Variants in TTC29 observed in about 807,000 individuals in gnomAD.
The protein encoded by TTC29 is tetratricopeptide repeat domain 29.
A neutral mutation model predicts 58.1 loss-of-function variants in TTC29; 49 were observed. The ratio of observed to expected loss-of-function variants is 0.84; its 90% CI spans 0.67 to 1.07. The LOEUF (loss-of-function observed/expected upper bound fraction) is 1.07. TTC29 is among the 50% of genes least tolerant of loss of function. The pLI is 0.00. For synonymous variants in TTC29, 209 were observed against 196.8 expected (o/e 1.06, Z -0.52); for missense variants, 582 against 555.6 (o/e 1.05, Z -0.48).
chr4:146,796,003 C>T (rs1749810486), intron 11 of TTC29, among the ~76,000 whole-genome samples: 2 of 152,176 alleles, frequency 1.3e-5, no homozygotes, highest in South Asian at 4.1e-4. Context: ...TCTACTGATT[C>T]ACTCTCGTTT....
At chr4:146,915,372 C>T (rs1418297879) in intron 4 of TTC29, among the ~76,000 whole-genome samples, 1 of 151,984 alleles carries the variant, frequency 6.6e-6, no homozygotes, top group Non-Finnish European at 1.5e-5. Flanking sequence ...CCATGGCAAT[C>T]CATGTTTAGG....
chr4:146,743,342 T>G (rs1268263826), intron 11 of TTC29, among the ~76,000 whole-genome samples: 1 of 152,186 alleles, frequency 6.6e-6, no homozygotes, highest in Non-Finnish European at 1.5e-5. Context: ...TGCCTGGTTG[T>G]GCTCTACCCA....
chr4:146,785,083 G>A (rs1748908687), intron 11 of TTC29, among the ~76,000 whole-genome samples: 1 of 151,988 alleles, frequency 6.6e-6, no homozygotes, highest in South Asian at 2.1e-4. Flanking sequence ...TAGGTTTTGT[G>A]TAAGAGTGTG....
intron 5 of TTC29, among the ~76,000 whole-genome samples, chr4:146,908,646 T>A (rs1733685086): frequency 6.6e-6 from 1 of 152,186 alleles, no homozygotes; most frequent in South Asian, 2.1e-4. Flanking sequence ...CAGTGTGATT[T>A]TCAAGTTATA....
intron 11 of TTC29, among the ~76,000 whole-genome samples, chr4:146,744,703 A>G (rs1489903182): frequency 6.6e-6 from 1 of 152,104 alleles, no homozygotes; most frequent in East Asian, 1.9e-4. Flanking sequence ...TCTCTCACCA[A>G]CTATCAAAGT....
intron 8 of TTC29, among the ~76,000 whole-genome samples, chr4:146,844,450 G>A (rs147068161): frequency 6.6e-5 from 10 of 152,154 alleles, no homozygotes; most frequent in African/African-American, 2.4e-4. Context: ...AAAAAATGTG[G>A]AATATTTATC....
chr4:146,814,470 A>G (rs993265322), intron 10 of TTC29, among the ~76,000 whole-genome samples: 1 of 151,918 alleles, frequency 6.6e-6, no homozygotes, highest in African/African-American at 2.4e-5. Context: ...GCTCATACGT[A>G]TAATCCCAGC....
In TTC29 at chr4:146,792,886, G is replaced by A. The variant is rs192986542; in HGVS notation, c.1330+10571C>T. Among the ~76,000 whole-genome samples the A allele has an allele frequency of 7.9e-5, 12 of 152,230 alleles. 1 individual carries two copies. Among genetic ancestry groups the A allele is most frequent in the East Asian group, 5.8e-4 (3 of 5,176 alleles). On this transcript the variant is annotated intron_variant, in intron 11 of 12. Transcript: ENST00000325106. The stretch of plus-strand genomic sequence containing the variant: ...GAATTTGGAAGAAGTTGATTGCAGC[G>A]CTCATGGATGACTTTGAGAGGTTTG...
At chr4:146,717,912 G>A (rs1743056800) in intron 11 of TTC29, among the ~76,000 whole-genome samples, 1 of 152,024 alleles carries the variant, frequency 6.6e-6, no homozygotes, top group African/African-American at 2.4e-5. Context: ...CCTCACCACT[G>A]ATAACCATCC....
intron 9 of TTC29, among the ~76,000 whole-genome samples, chr4:146,822,123 A>ATTTT (rs1283996533): frequency 8.0e-6 from 1 of 124,424 alleles, no homozygotes; most frequent in African/African-American, 2.9e-5. Flanking sequence ...TTTTCTTTTA[A>ATTTT]AAAAAAAAAA....
intron 4 of TTC29, among the ~76,000 whole-genome samples, chr4:146,936,556 C>T (rs917834748): frequency 1.3e-5 from 2 of 152,210 alleles, no homozygotes; most frequent in East Asian, 1.9e-4. Flanking sequence ...AAAAATCCCA[C>T]GTACCATATA....
chr4:146,829,929 T>A (rs982470776), intron 9 of TTC29, among the ~76,000 whole-genome samples: 4 of 152,294 alleles, frequency 2.6e-5, no homozygotes, highest in African/African-American at 9.6e-5. Context: ...TTTCTGTAAA[T>A]GAACTACACT....
intron 9 of TTC29, among the ~76,000 whole-genome samples, chr4:146,824,974 T>C (rs1238709953): frequency 6.6e-6 from 1 of 152,178 alleles, no homozygotes; most frequent in Non-Finnish European, 1.5e-5. Flanking sequence ...TTATTGTGTC[T>C]ATTTGATTCT....
chr4:146,877,213 T>C (rs1216940777), intron 6 of TTC29, among the ~76,000 whole-genome samples: 6 of 152,190 alleles, frequency 3.9e-5, no homozygotes, highest in Admixed American at 1.3e-4. Flanking sequence ...ATCAGTGTTA[T>C]GTCTGGGAGG....
intron 4 of TTC29, among the ~76,000 whole-genome samples, chr4:146,926,082 T>G (rs1470064405): frequency 2.0e-5 from 3 of 152,200 alleles, no homozygotes; most frequent in Admixed American, 6.5e-5. Flanking sequence ...CAATAATCAT[T>G]TATTTTACCT....
At chr4:146,783,915 A>T (rs1748809014) in intron 11 of TTC29, among the ~76,000 whole-genome samples, 1 of 152,092 alleles carries the variant, frequency 6.6e-6, no homozygotes, top group South Asian at 2.1e-4. Context: ...AGACAAATTA[A>T]CCAGGACTCT....
In TTC29 at chr4:146,839,552, G is replaced by A. The variant is rs552837573; in HGVS notation, c.886-5655C>T. Reference sequence around the variant, plus strand: ...CATGAACTCGTGTGTGTGTGTGTGTGTGTGTGTGTGTGTGTGTGTGTAAGT... The same window carrying A: ...CATGAACTCGTGTGTGTGTGTGTGTATGTGTGTGTGTGTGTGTGTGTAAGT... On this transcript the variant is annotated intron_variant, in intron 8 of 12. Transcript: ENST00000325106. Among the ~76,000 whole-genome samples the A allele has an allele frequency of 2.0e-5, 3 of 150,246 alleles. No individual in the cohort carries two copies. The East Asian group carries it at 5.8e-4, about 29-fold the overall frequency.
intron 11 of TTC29, among the ~76,000 whole-genome samples, chr4:146,788,710 T>C (rs1027490823): frequency 5.3e-5 from 8 of 152,012 alleles, no homozygotes; most frequent in African/African-American, 1.7e-4. Flanking sequence ...ATCAATGACA[T>C]ACAAAGGTAT....
chr4:146,798,773 G>C (rs1750004175), intron 11 of TTC29, among the ~76,000 whole-genome samples: 1 of 151,004 alleles, frequency 6.6e-6, no homozygotes, highest in South Asian at 2.1e-4. Flanking sequence ...TGTAGTCCCA[G>C]CTACTCGGGA....
Sources: gnomAD v4.1 joint callset for allele counts (sites outside exome capture counted in the v4.1 genomes callset) on GRCh38, gnomAD v4.1.1 for gene constraint, MANE v1.5 for transcripts, NCBI Gene and HGNC (gene_info 2026-07-23, HGNC 2026-07-21) for gene names.